NOS1AP: variants seen among roughly 807,000 people sequenced by gnomAD.
The protein encoded by NOS1AP is carboxyl-terminal PDZ ligand of neuronal nitric oxide synthase protein.
In NOS1AP, 21 loss-of-function variants were observed where a neutral mutation model predicts 56.2. That is an observed-to-expected ratio of 0.37 (90% confidence interval 0.26 to 0.54). The LOEUF is 0.54. NOS1AP is among the 20% of genes least tolerant of loss of function. The pLI is 0.84. For missense variants in NOS1AP, 522 were observed against 657.8 expected (o/e 0.79, Z 2.26); for synonymous variants, 270 against 274.6 (o/e 0.98, Z 0.17).
intron 2 of NOS1AP, among the ~76,000 whole-genome samples, chr1:162,158,071 A>G (rs1222674582): frequency 1.3e-5 from 2 of 152,224 alleles, no homozygotes; most frequent in Non-Finnish European, 2.9e-5. Flanking sequence ...AGTGTTAAGT[A>G]TATTCACACT....
At chr1:162,127,644 C>T (rs959264802) in intron 1 of NOS1AP, among the ~76,000 whole-genome samples, 1 of 151,990 alleles carries the variant, frequency 6.6e-6, no homozygotes, top group Non-Finnish European at 1.5e-5. Context: ...TGTGGAAGAA[C>T]GTGAAGGGGG....
At chr1:162,357,290 C>T (rs373236) in intron 8 of NOS1AP, 154 bp downstream of exon 8, 15,399 of 1,256,152 alleles carry the variant, frequency 0.012, 125 homozygotes, top group Non-Finnish European at 0.015. Flanking sequence ...GTGGGGGCAG[C>T]GGGAGGGGGA....
At chr1:162,154,372 T>G (rs1419056122) in intron 1 of NOS1AP, 33 bp from the exon 2 acceptor site, 4 of 1,606,616 alleles carry the variant, frequency 2.5e-6, no homozygotes, top group Non-Finnish European at 3.4e-6. Context: ...TTGCTACCCC[T>G]CCTCTCAATG....
intron 5 of NOS1AP, 33 bp from the exon 6 acceptor site, chr1:162,343,802 A>C: frequency 6.2e-7 from 1 of 1,613,716 alleles, no homozygotes; most frequent in South Asian, 1.1e-5. Flanking sequence ...GCGCATCCTC[A>C]CCCATCCTGT....
At chr1:162,272,522 T>A (rs1654615166) in intron 2 of NOS1AP, among the ~76,000 whole-genome samples, 1 of 152,116 alleles carries the variant, frequency 6.6e-6, no homozygotes, top group African/African-American at 2.4e-5. Flanking sequence ...TTGATAGAGA[T>A]GACGCGAGGA....
chr1:162,357,581 TA>T lies in NOS1AP; in HGVS notation c.939+446del, dbSNP rs772995402. Among the ~76,000 whole-genome samples the T allele has an allele frequency of 6.1e-5, 9 of 148,724 alleles. 1 individual carries two copies. Among genetic ancestry groups the T allele is most frequent in the Non-Finnish European group, 1.2e-4 (8 of 65,382 alleles). On this transcript the variant is annotated intron_variant, in intron 8 of 9. Transcript: ENST00000361897. ...CCAAACACTGTTGTAAAAAGATTACTACCCTAGCATCCCAGTCTCCGTGTCT... is the reference window on the plus strand; with the variant it reads ...CCAAACACTGTTGTAAAAAGATTACTCCCTAGCATCCCAGTCTCCGTGTCT...
At chr1:162,277,364 TTCTCAAATAGTTTCTTCAGTATC>T in intron 2 of NOS1AP, among the ~76,000 whole-genome samples, 1 of 152,346 alleles carries the variant, frequency 6.6e-6, no homozygotes, top group East Asian at 1.9e-4. Context: ...TTCCTCCTCC[TTCTCAAATAGTTTCTTCAGTATC>T]TCTCAAGAAT....
intron 1 of NOS1AP, among the ~76,000 whole-genome samples, chr1:162,125,236 C>T (rs1357308567): frequency 1.3e-5 from 2 of 150,300 alleles, no homozygotes; most frequent in African/African-American, 2.5e-5. Flanking sequence ...TGGGTTGAAG[C>T]GATTCTTTTG....
intron 5 of NOS1AP, among the ~76,000 whole-genome samples, chr1:162,334,397 G>T (rs1032598765): frequency 1.5e-4 from 23 of 152,164 alleles, no homozygotes; most frequent in Non-Finnish European, 3.1e-4. Flanking sequence ...AAGTCAAGCT[G>T]CATTAAAGAA....
chr1:162,242,626 A>G (rs73017398), intron 2 of NOS1AP, among the ~76,000 whole-genome samples: 7,652 of 152,290 alleles, frequency 0.05, 572 homozygotes, highest in African/African-American at 0.17. Context: ...AGAACTGCCC[A>G]GCCAAGTCTC....
At chr1:162,363,008 T>A in intron 8 of NOS1AP, 4 of 624,392 alleles carry the variant, frequency 6.4e-6, no homozygotes, top group Non-Finnish European at 8.0e-6. Flanking sequence ...TGGGGCTTTT[T>A]CCCACACACC....
chr1:162,108,862 G>A (rs1647609120), intron 1 of NOS1AP, among the ~76,000 whole-genome samples: 1 of 151,976 alleles, frequency 6.6e-6, no homozygotes, highest in Admixed American at 6.6e-5. Flanking sequence ...AAAGATGGAG[G>A]GTAGACTTAT....
intron 1 of NOS1AP, among the ~76,000 whole-genome samples, chr1:162,089,121 C>T (rs1332851842): frequency 6.6e-6 from 1 of 152,056 alleles, no homozygotes; most frequent in Non-Finnish European, 1.5e-5. Context: ...TTGAGTTGGC[C>T]ATTGTCTGTA....
rs778872490 is a variant in NOS1AP at position 162,133,874 on chromosome 1, G to A, written c.106-20531G>A. 3.8e-4 allele frequency among the ~76,000 whole-genome samples: 58 copies of A among 152,134 alleles called. 1 individual carries two copies. The highest frequency in any genetic ancestry group is 1.6e-4 in the Non-Finnish European group (11 of 68,042). ...TTGTTATTATTTTTTGTGGCCTGTA[G>A]AAGTAATCGGCATTCAACGAATGCC... On this transcript the variant is annotated intron_variant, in intron 1 of 9. Coordinates refer to ENST00000361897, the MANE Select transcript of NOS1AP (RefSeq NM_014697.3).
At chr1:162,088,804 G>A (rs1295841379) in intron 1 of NOS1AP, among the ~76,000 whole-genome samples, 2 of 152,186 alleles carry the variant, frequency 1.3e-5, no homozygotes, top group African/African-American at 4.8e-5. Context: ...GCTGGACACT[G>A]CTAGCTGTGT....
At chr1:162,301,871 A>G (rs1655674813) in intron 4 of NOS1AP, among the ~76,000 whole-genome samples, 1 of 152,240 alleles carries the variant, frequency 6.6e-6, no homozygotes, top group South Asian at 2.1e-4. Context: ...AGTTGGCAGC[A>G]TGGTGGCCCT....
At chr1:162,274,499 T>C (rs924850990) in intron 2 of NOS1AP, among the ~76,000 whole-genome samples, 15 of 152,352 alleles carry the variant, frequency 9.8e-5, no homozygotes, top group Non-Finnish European at 2.1e-4. Flanking sequence ...ATACAGTGTT[T>C]AGTTGTTGTT....
At chr1:162,155,279 C>CATAT (rs1238321747) in intron 2 of NOS1AP, among the ~76,000 whole-genome samples, 4 of 136,606 alleles carry the variant, frequency 2.9e-5, no homozygotes, top group Non-Finnish European at 6.2e-5. Flanking sequence ...CATACATATA[C>CATAT]ACATATATAC....
chr1:162,126,894 A>C (rs1286886699), intron 1 of NOS1AP, among the ~76,000 whole-genome samples: 2 of 152,224 alleles, frequency 1.3e-5, no homozygotes, highest in East Asian at 1.9e-4. Context: ...AAGAATATAC[A>C]ATCTTACATT....
Sources: gnomAD v4.1 joint callset for allele counts (sites outside exome capture counted in the v4.1 genomes callset) on GRCh38, gnomAD v4.1.1 for gene constraint, MANE v1.5 for transcripts, NCBI Gene and HGNC (gene_info 2026-07-23, HGNC 2026-07-21) for gene names.